Variants in ZNF519 observed in about 807,000 individuals in gnomAD.
ZNF519 encodes similar to Zinc finger protein 85 (Zinc finger protein HPF4) (HTF1).
ZNF519 carries 7 observed loss-of-function variants against 7.4 expected under a neutral mutation model. That is an observed-to-expected ratio of 0.94 (90% CI 0.54 to 1.77). The LOEUF is 1.77. ZNF519 is among the 40% of genes most tolerant of loss of function. The probability of loss-of-function intolerance (pLI) is 0.00; values close to 1 mark genes in which losing one functional copy is unlikely to be tolerated. For missense variants in ZNF519, 586 were observed against 623.1 expected (o/e 0.94, Z 0.63); for synonymous variants, 179 against 203.3 (o/e 0.88, Z 1.02).
At position 14,105,180 on chromosome 18, in the gene ZNF519, G is replaced by A. The variant is rs754250080; in HGVS notation, c.1360C>T (p.His454Tyr). 1 of 1,571,394 alleles carries A rather than the reference G, an allele frequency of 6.4e-7. No homozygotes were observed. The highest frequency in any genetic ancestry group is 2.2e-5 in the East Asian group (1 of 44,802). ...GSHLTRHQRI[H>Y]TGEKSFKCEE... ...CATTTGAAAGACTTCTCTCCAGTATGGATTCTTTGATGTCGAGTAAGGTGT... is the reference window on the plus strand; with the variant it reads ...CATTTGAAAGACTTCTCTCCAGTATAGATTCTTTGATGTCGAGTAAGGTGT... Residue 454 changes from histidine to tyrosine, a missense_variant, in exon 3 of 3, where the codon CAT becomes TAT. By Grantham distance (83) the His-to-Tyr change is moderately conservative. Coordinates refer to ENST00000590202, the MANE Select transcript of ZNF519 (RefSeq NM_145287.4).
In ZNF519 at chr18:14,101,653, G is replaced by C. The variant is rs778886941; in HGVS notation, c.*3264C>G. 5.0e-6 allele frequency: 2 copies of C among 398,556 alleles called. No homozygotes were observed. The highest frequency in any genetic ancestry group is 4.4e-6 in the Non-Finnish European group (1 of 226,082). 24.7% of individuals were successfully genotyped at this position (398,556 alleles called of 1,614,324 possible). On this transcript the variant is annotated 3_prime_UTR_variant, in exon 3 of 3. Coordinates refer to ENST00000590202, the MANE Select transcript of ZNF519 (RefSeq NM_145287.4). ...GCCATGTCTGGGCCCTGGTTATAGAGACCATCTCTACACCCACACCCCAAT... is the reference window on the plus strand; with the variant it reads ...GCCATGTCTGGGCCCTGGTTATAGACACCATCTCTACACCCACACCCCAAT...
chr18:14,099,625 T>C (rs2143112393), downstream of ZNF519, among the ~76,000 whole-genome samples: 1 of 152,332 alleles, frequency 6.6e-6, no homozygotes, highest in South Asian at 2.1e-4. Context: ...TACTTCACAT[T>C]TGCTGTCTAG....
intron 2 of ZNF519, among the ~76,000 whole-genome samples, chr18:14,094,423 T>C (rs986175852): frequency 3.9e-5 from 6 of 152,200 alleles, no homozygotes; most frequent in African/African-American, 1.2e-4. Flanking sequence ...GAGTGCTACA[T>C]ACGGCCTTTA....
intron 2 of ZNF519, among the ~76,000 whole-genome samples, chr18:14,087,800 C>A (rs527402005): frequency 1.0e-3 from 159 of 152,110 alleles, no homozygotes; most frequent in African/African-American, 3.7e-3. Context: ...TCATATAGGT[C>A]AACAATACCA....
chr18:14,078,872 G>T (rs2046059366), intron 3 of ZNF519, among the ~76,000 whole-genome samples: 1 of 152,158 alleles, frequency 6.6e-6, no homozygotes, highest in Non-Finnish European at 1.5e-5. Flanking sequence ...CTATGTGACT[G>T]AAACTTTTTA....
intron 3 of ZNF519, chr18:14,082,125 CTAATA>C (rs1236807015): frequency 2.6e-5 from 4 of 151,994 alleles, no homozygotes; most frequent in Admixed American, 6.5e-5. Flanking sequence ...ATTAAAGCCA[CTAATA>C]TAAGTTAAAT....
chr18:14,115,705 C>T (rs191882650), intron 2 of ZNF519, among the ~76,000 whole-genome samples: 1 of 152,054 alleles, frequency 6.6e-6, no homozygotes, highest in Non-Finnish European at 1.5e-5. Context: ...TTCAAATATA[C>T]AAATAAATAA....
At chr18:14,086,002 T>G (rs12955450) in intron 2 of ZNF519, among the ~76,000 whole-genome samples, 151,806 of 152,274 alleles carry the variant, frequency 1, 75,671 homozygotes, top group Middle Eastern at 1. Flanking sequence ...CAGTTTCCAT[T>G]GGCTTTGGCC....
At chr18:14,129,146 T>C (rs2046317102) in intron 1 of ZNF519, among the ~76,000 whole-genome samples, 1 of 152,190 alleles carries the variant, frequency 6.6e-6, no homozygotes, top group Admixed American at 6.5e-5. Flanking sequence ...TATTCCTGTG[T>C]TCATACAATC....
chr18:14,119,927 G>C lies in ZNF519; in HGVS notation c.130+4423C>G, dbSNP rs918747293. 2.0e-5 allele frequency among the ~76,000 whole-genome samples: 3 copies of C among 152,166 alleles called. No homozygotes were observed. In the South Asian group the frequency reaches 6.2e-4, roughly 32 times the overall value. The stretch of plus-strand genomic sequence containing the variant: ...TAAGATATTGATGACAGACATTAAA[G>C]TAGACCCAAATAAATAGAAACATAT... On this transcript the variant is annotated intron_variant, in intron 2 of 2. Transcript: ENST00000590202.
chr18:14,071,140 A>G (rs28696316), downstream of ZNF519: 1,171 of 151,736 alleles, frequency 7.7e-3, 16 homozygotes, highest in African/African-American at 0.026. Flanking sequence ...CCTCAGTGAG[A>G]GGATTCTTTA....
chr18:14,083,457 C>T (rs1177376788), intron 3 of ZNF519, among the ~76,000 whole-genome samples: 7 of 152,142 alleles, frequency 4.6e-5, no homozygotes, highest in African/African-American at 1.7e-4. Context: ...GATATTCTGT[C>T]AATGATTTAA....
intron 2 of ZNF519, among the ~76,000 whole-genome samples, chr18:14,115,650 G>C (rs1333168740): frequency 2.6e-5 from 4 of 152,098 alleles, no homozygotes; most frequent in Non-Finnish European, 4.4e-5. Flanking sequence ...ATTTACAGAA[G>C]CAAGTAAGTG....
intron 3 of ZNF519, among the ~76,000 whole-genome samples, chr18:14,079,127 G>A (rs563700534): frequency 1.1e-4 from 17 of 152,232 alleles, no homozygotes; most frequent in African/African-American, 4.1e-4. Flanking sequence ...TCTTTCTATG[G>A]CCCTCCTGTT....
chr18:14,104,927 T>C lies in ZNF519; in HGVS notation c.1613A>G (p.His538Arg). The change falls in exon 3 of 3, where the codon CAT (histidine) becomes CGT (arginine). Residue 538 changes from histidine to arginine, a missense_variant. Physicochemically the swap from His to Arg is conservative, Grantham distance 29 (BLOSUM62 0). Coordinates refer to ENST00000590202, the MANE Select transcript of ZNF519 (RefSeq NM_145287.4). ...ACACTTGCAGGGTTTCTACCTGGTA[T>C]GAATTATTTGATGTTGAGTAAGGGT... ...RSTLTQHQII[H>R]TR The C allele has an allele frequency of 1.3e-6, 2 of 1,547,200 alleles. No individual in the cohort carries two copies. The highest frequency in any genetic ancestry group is 1.3e-5 in the South Asian group (1 of 77,194).
exon 3 of ZNF519, chr18:14,084,974 T>C (rs963659586): frequency 3.3e-5 from 5 of 152,188 alleles, no homozygotes; most frequent in Non-Finnish European, 7.3e-5. Flanking sequence ...GTATCATCCT[T>C]GAGGGATACT....
At chr18:14,094,279 T>C (rs1177851768) in intron 2 of ZNF519, among the ~76,000 whole-genome samples, 1 of 152,230 alleles carries the variant, frequency 6.6e-6, no homozygotes, top group African/African-American at 2.4e-5. Context: ...CTAAAAACAT[T>C]ATGTCTCTTT....
chr18:14,107,270 C>CA (rs2046198066), intron 2 of ZNF519, among the ~76,000 whole-genome samples: 1 of 152,162 alleles, frequency 6.6e-6, no homozygotes, highest in African/African-American at 2.4e-5. Context: ...GGCCACCAGT[C>CA]AGAGTTGTGA....
intron 3 of ZNF519, among the ~76,000 whole-genome samples, chr18:14,080,882 T>A (rs560427469): frequency 2.6e-5 from 4 of 152,250 alleles, no homozygotes; most frequent in African/African-American, 9.6e-5. Context: ...AATACATGGA[T>A]GAAACTTAAG....
Sources: allele counts gnomAD v4.1 joint callset (sites outside exome capture counted in the v4.1 genomes callset), GRCh38; gene constraint gnomAD v4.1.1; transcripts MANE v1.5; gene names NCBI Gene and HGNC (gene_info 2026-07-23, HGNC 2026-07-21).